Variants in TRARG1 observed in about 807,000 individuals in gnomAD.
The protein encoded by TRARG1 is trafficking regulator of GLUT4 1.
Under a neutral mutation model 13.3 loss-of-function variants are expected in TRARG1, and 16 were observed. The observed-to-expected ratio is 1.20, with a 90% CI of 0.81 to 1.83. TRARG1 has a LOEUF of 1.83. Among genes scored for constraint, TRARG1 ranks in the 40% most tolerant of loss-of-function variants. The pLI, the probability that TRARG1 is intolerant of heterozygous loss-of-function variation, is 0.00. For synonymous variants in TRARG1, 113 were observed against 106.2 expected, an observed-to-expected ratio of 1.06 and a Z score of -0.39; for missense variants, 250 against 237.4, an observed-to-expected ratio of 1.05 and a Z score of -0.35.
chr17:1,290,839 A>G (rs1156453829), intron 1 of TRARG1, among the ~76,000 whole-genome samples: 1 of 151,552 alleles, frequency 6.6e-6, no homozygotes, highest in African/African-American at 2.4e-5. Context: ...TCATTGAATC[A>G]TGGGGGTGGT....
At chr17:1,294,324 C>T (rs1326224803) in intron 1 of TRARG1, among the ~76,000 whole-genome samples, 1 of 152,104 alleles carries the variant, frequency 6.6e-6, no homozygotes, top group African/African-American at 2.4e-5. Context: ...AAACAAGGCC[C>T]CCGTGAAGCC....
chr17:1,286,886 G>A (rs369751561), intron 1 of TRARG1, among the ~76,000 whole-genome samples: 50 of 146,972 alleles, frequency 3.4e-4, no homozygotes, highest in African/African-American at 1.1e-3. Flanking sequence ...TTGGCCAGCC[G>A]GGTGTGATTT....
Position 1,287,102 on chromosome 17 carries a change from G to T in TRARG1, c.387+6714G>T, listed in dbSNP as rs79563593. On this transcript the variant is annotated intron_variant, in intron 1 of 2. Coordinates refer to ENST00000333813, the MANE Select transcript of TRARG1 (RefSeq NM_172367.3). Reference sequence around the variant, plus strand: ...ACTTGGAAGAGAAAAGGGGCCATGGGCTGAGAGAAGACAAAGGGCATGAGA... The same window carrying T: ...ACTTGGAAGAGAAAAGGGGCCATGGTCTGAGAGAAGACAAAGGGCATGAGA... Among the ~76,000 whole-genome samples, 87 of 152,002 alleles carry T rather than the reference G, an allele frequency of 5.7e-4. 1 individual carries two copies. The highest frequency in any genetic ancestry group is 1.9e-3 in the East Asian group (10 of 5,182).
At chr17:1,290,594 C>A (rs2150810109) in intron 1 of TRARG1, among the ~76,000 whole-genome samples, 1 of 152,294 alleles carries the variant, frequency 6.6e-6, no homozygotes, top group Middle Eastern at 3.4e-3. Flanking sequence ...CTGCTCCTGG[C>A]CGAGGGTCCT....
At chr17:1,297,592 CTTTT>C (rs35978298) in intron 2 of TRARG1, among the ~76,000 whole-genome samples, 5 of 97,918 alleles carry the variant, frequency 5.1e-5, no homozygotes, top group African/African-American at 1.6e-4. Flanking sequence ...TTAGCCAGGA[CTTTT>C]TTTTTTTTTT....
rs1323226250 is a variant in TRARG1 at position 1,300,772 on chromosome 17, G to A, written c.*2508G>A. 1.3e-5 allele frequency: 2 copies of A among 152,368 alleles called. No individual in the cohort carries two copies. Among genetic ancestry groups the A allele is most frequent in the East Asian group, 3.8e-4 (2 of 5,202 alleles). 9.4% of individuals were successfully genotyped at this position (152,368 alleles called of 1,614,324 possible). On this transcript the variant is annotated 3_prime_UTR_variant, in exon 3 of 3. Transcript: ENST00000333813. The stretch of plus-strand genomic sequence containing the variant: ...AGCCCGTGCCCCACGCCGCCTGGAG[G>A]CCAGAGGGGTCAGTGGCCCTGCTGT...
chr17:1,292,357 A>G (rs990887449), intron 1 of TRARG1, among the ~76,000 whole-genome samples: 102 of 152,216 alleles, frequency 6.7e-4, no homozygotes, highest in African/African-American at 2.4e-3. Context: ...CACACTGCAG[A>G]CAGAAGGGTG....
chr17:1,290,905 ATT>A (rs34602713), intron 1 of TRARG1, among the ~76,000 whole-genome samples: 3 of 141,510 alleles, frequency 2.1e-5, no homozygotes, highest in South Asian at 2.3e-4. Context: ...GATCTGATGG[ATT>A]TTTTTTTTTT....
chr17:1,291,582 G>A lies in TRARG1; in HGVS notation c.388-3909G>A, dbSNP rs1012227995. Among the ~76,000 whole-genome samples, 8 of 152,160 alleles carry A rather than the reference G, an allele frequency of 5.3e-5. 1 individual carries two copies. The highest frequency in any genetic ancestry group is 1.7e-4 in the African/African-American group (7 of 41,442). ...AAACCTCTTTCCTCTATGAATTACCGAGTCTAGGGCATGCCTTTATTAGCG... is the reference window on the plus strand; with the variant it reads ...AAACCTCTTTCCTCTATGAATTACCAAGTCTAGGGCATGCCTTTATTAGCG... On this transcript the variant is annotated intron_variant, in intron 1 of 2. Transcript: ENST00000333813.
At position 1,298,677 on chromosome 17, in the gene TRARG1, TCGGAG is replaced by T. The variant is rs1343678015; in HGVS notation, c.*415_*419del. On this transcript the variant is annotated 3_prime_UTR_variant, in exon 3 of 3. Coordinates refer to ENST00000333813, the MANE Select transcript of TRARG1 (RefSeq NM_172367.3). The stretch of plus-strand genomic sequence containing the variant: ...GCAGAGCTCCTTCCTGTCTGTGGAC[TCGGAG>T]CAAAGACGTGGGGCCCCATCTTTTG... The T allele has an allele frequency of 4.8e-6, 1 of 209,642 alleles. No individual in the cohort carries two copies. The highest frequency in any genetic ancestry group is 5.7e-5 in the Admixed American group (1 of 17,662). The allele number at this position is 209,642 out of a possible 1,614,324, so 13.0% of individuals were successfully genotyped here. A position where few individuals can be genotyped will look rare whatever the true frequency, so the allele number is the denominator to read the frequency against.
Position 1,279,992 on chromosome 17 carries a change from C to G in TRARG1, c.-10C>G. On this transcript the variant is annotated 5_prime_UTR_variant, in exon 1 of 3. Coordinates refer to ENST00000333813, the MANE Select transcript of TRARG1 (RefSeq NM_172367.3). ...GCCTGGAGCTGCAGCCGCGCAAGGC[C>G]CAGGCCCCCATGGCCCACCCGGTGC... 6.2e-7 allele frequency: 1 copy of G among 1,606,430 alleles called. No homozygotes were observed. The highest frequency in any genetic ancestry group is 8.5e-7 in the Non-Finnish European group (1 of 1,176,280).
In TRARG1 at chr17:1,300,091, G is replaced by A. The variant is rs1403159371; in HGVS notation, c.*1827G>A. ...CTGCTCATACAGAAGGGACTGGTTG[G>A]GTTTGCTTTATGGGATCTTTGAGAC... On this transcript the variant is annotated 3_prime_UTR_variant, in exon 3 of 3. Transcript: ENST00000333813. 6.6e-6 allele frequency: 1 copy of A among 152,288 alleles called. No homozygotes were observed. The highest frequency in any genetic ancestry group is 1.5e-5 in the Non-Finnish European group (1 of 68,090). 9.4% of individuals were successfully genotyped at this position (152,288 alleles called of 1,614,324 possible). A position where few individuals can be genotyped will look rare whatever the true frequency, so the allele number is the denominator to read the frequency against.
rs150089439 is a variant in TRARG1, at chr17:1,297,761, G to T, written c.521-490G>T. 7.6e-4 allele frequency among the ~76,000 whole-genome samples: 115 copies of T among 151,920 alleles called. 2 individuals carry two copies. The East Asian group carries it at 0.02, about 27-fold the overall frequency. On this transcript the variant is annotated intron_variant, in intron 2 of 2. Transcript: ENST00000333813. ...TGGGAATACAGGCACGTGCCACCAC[G>T]CCCGGTTAATTTTTGTTATTTGTAG...
intron 1 of TRARG1, among the ~76,000 whole-genome samples, chr17:1,282,224 G>GCGTATATGTACGTATATGTA (rs1280787962): frequency 2.6e-5 from 3 of 115,614 alleles, no homozygotes; most frequent in African/African-American, 7.1e-5. Context: ...GTATACACGT[G>GCGTATATGTACGTATATGTA]CGTATATGTA....
intron 1 of TRARG1, among the ~76,000 whole-genome samples, chr17:1,289,807 A>G (rs1212711749): frequency 6.6e-6 from 1 of 151,808 alleles, no homozygotes; most frequent in Non-Finnish European, 1.5e-5. Flanking sequence ...CTACATACTC[A>G]TGGCACCCCG....
Position 1,294,468 on chromosome 17 carries a change from CTTTTT to C in TRARG1, c.388-1008_388-1004del, listed in dbSNP as rs542504095. Among the ~76,000 whole-genome samples, 7 of 113,438 alleles carry C rather than the reference CTTTTT, an allele frequency of 6.2e-5. No individual in the cohort carries two copies. The South Asian group carries it at 1.1e-3, about 18-fold the overall frequency. The allele number at this position is 113,438 out of a possible 152,430, so 74.4% of individuals were successfully genotyped here. A position where few individuals can be genotyped will look rare whatever the true frequency, so the allele number is the denominator to read the frequency against. On this transcript the variant is annotated intron_variant, in intron 1 of 2. Coordinates refer to ENST00000333813, the MANE Select transcript of TRARG1 (RefSeq NM_172367.3). ...GAAATGGAGGCTGTGAAGACAGTGT[CTTTTT>C]TTTTTTTTTTTTTTGAGGCAGTCTC...
intron 1 of TRARG1, among the ~76,000 whole-genome samples, chr17:1,294,916 C>A (rs932383440): frequency 1.3e-5 from 2 of 152,180 alleles, no homozygotes; most frequent in African/African-American, 4.8e-5. Flanking sequence ...AAACTCCTGG[C>A]CTCATGATCT....
rs1404613649 is a variant in TRARG1 at position 1,282,194 on chromosome 17, G to GTACACGTGCGTATATGTACGTA, written c.387+1831_387+1852dup. ...CGTATACACGTGCGTATATGTACGT[G>GTACACGTGCGTATATGTACGTA]TACACGTGCGTATATGTACGTATAC... On this transcript the variant is annotated intron_variant, in intron 1 of 2. Transcript: ENST00000333813. Among the ~76,000 whole-genome samples the GTACACGTGCGTATATGTACGTA allele has an allele frequency of 3.0e-3, 383 of 125,864 alleles. 11 individuals are homozygous for GTACACGTGCGTATATGTACGTA. The highest frequency in any genetic ancestry group is 0.021 in the Middle Eastern group (5 of 238). The allele number at this position is 125,864 out of a possible 152,430, so 82.6% of individuals were successfully genotyped here.
In TRARG1 at chr17:1,297,061, G is replaced by A. The variant is rs557198232; in HGVS notation, c.521-1190G>A. On this transcript the variant is annotated intron_variant, in intron 2 of 2. Coordinates refer to ENST00000333813, the MANE Select transcript of TRARG1 (RefSeq NM_172367.3). ...TGCCGATTTTCTTCCTTTCATACACGTACATCAGGAAGTCCCCAAGGATCT... is the reference window on the plus strand; with the variant it reads ...TGCCGATTTTCTTCCTTTCATACACATACATCAGGAAGTCCCCAAGGATCT... Among the ~76,000 whole-genome samples the A allele has an allele frequency of 5.3e-5, 8 of 152,214 alleles. No homozygotes were observed. In the South Asian group the frequency reaches 8.3e-4, roughly 16 times the overall value.
Sources: allele counts gnomAD v4.1 joint callset (sites outside exome capture counted in the v4.1 genomes callset), GRCh38; gene constraint gnomAD v4.1.1; transcripts MANE v1.5; gene names NCBI Gene and HGNC (gene_info 2026-07-23, HGNC 2026-07-21).